ZC3H12C: variants seen among roughly 807,000 people sequenced by gnomAD.
The protein encoded by ZC3H12C is probable ribonuclease ZC3H12C.
ZC3H12C carries 20 observed loss-of-function variants against 76.3 expected under a neutral mutation model. That is an observed-to-expected ratio of 0.26 (90% CI 0.18 to 0.38). ZC3H12C has a LOEUF of 0.38. Among genes scored for constraint, ZC3H12C ranks in the 10% least tolerant of loss-of-function variants. The pLI, the probability that ZC3H12C is intolerant of heterozygous loss-of-function variation, is 1.00. For synonymous variants in ZC3H12C, 352 were observed against 399.6 expected (o/e 0.88, Z 1.42); for missense variants, 874 against 1,086.5 (o/e 0.80, Z 2.75).
At chr11:110,146,683 T>C (rs1862176891) in intron 2 of ZC3H12C, among the ~76,000 whole-genome samples, 1 of 152,248 alleles carries the variant, frequency 6.6e-6, no homozygotes, top group Non-Finnish European at 1.5e-5. Flanking sequence ...TTTGCTCCCC[T>C]TGTGAACAAT....
At chr11:110,102,932 CA>C (rs1861245410) in intron 1 of ZC3H12C, among the ~76,000 whole-genome samples, 1 of 152,152 alleles carries the variant, frequency 6.6e-6, no homozygotes, top group African/African-American at 2.4e-5. Flanking sequence ...AAGGCATGTA[CA>C]TTTTTTTAGA....
chr11:110,097,606 C>G (rs1360744016), intron 1 of ZC3H12C, among the ~76,000 whole-genome samples: 1 of 152,122 alleles, frequency 6.6e-6, no homozygotes, highest in African/African-American at 2.4e-5. Flanking sequence ...ATTTCAGTAC[C>G]TCTTTTTTCA....
intron 1 of ZC3H12C, among the ~76,000 whole-genome samples, chr11:110,097,786 C>T (rs1861139610): frequency 6.6e-6 from 1 of 152,130 alleles, no homozygotes; most frequent in Non-Finnish European, 1.5e-5. Context: ...GCATATATGA[C>T]AGTGGTGCAT....
chr11:110,139,092 G>A (rs893026641), intron 2 of ZC3H12C, among the ~76,000 whole-genome samples: 3 of 152,128 alleles, frequency 2.0e-5, no homozygotes, highest in African/African-American at 4.8e-5. Flanking sequence ...CTGAAATTAG[G>A]GAACTACTGT....
chr11:110,121,627 C>A (rs1318656369), intron 1 of ZC3H12C, among the ~76,000 whole-genome samples: 1 of 151,874 alleles, frequency 6.6e-6, no homozygotes, highest in Non-Finnish European at 1.5e-5. Flanking sequence ...TTTTGCACAG[C>A]AGCACACTTG....
At chr11:110,141,689 C>G (rs1002938465) in intron 2 of ZC3H12C, among the ~76,000 whole-genome samples, 1 of 152,116 alleles carries the variant, frequency 6.6e-6, no homozygotes, top group Non-Finnish European at 1.5e-5. Flanking sequence ...ATCAAAATTA[C>G]GTGCAGTAGA....
intron 1 of ZC3H12C, among the ~76,000 whole-genome samples, chr11:110,135,501 A>AC (rs1390891468): frequency 1.3e-5 from 2 of 151,372 alleles, no homozygotes; most frequent in Non-Finnish European, 2.9e-5. Context: ...AAAAAAAAAA[A>AC]AAAAAAAAAA....
intron 1 of ZC3H12C, among the ~76,000 whole-genome samples, chr11:110,118,598 A>G: frequency 6.6e-6 from 1 of 152,308 alleles, no homozygotes; most frequent in African/African-American, 2.4e-5. Flanking sequence ...GGAGTTTGAG[A>G]CCAGCCTGGC....
intron 1 of ZC3H12C, among the ~76,000 whole-genome samples, chr11:110,101,697 G>A (rs1029772008): frequency 1.3e-5 from 2 of 151,902 alleles, no homozygotes; most frequent in Non-Finnish European, 2.9e-5. Context: ...ACAGGCCCGC[G>A]CCACCACGTC....
chr11:110,128,840 A>C (rs1050057201), intron 1 of ZC3H12C, among the ~76,000 whole-genome samples: 1 of 147,850 alleles, frequency 6.8e-6, no homozygotes, highest in Non-Finnish European at 1.5e-5. Flanking sequence ...TTCAGGGCTG[A>C]TATCTTTTTT....
chr11:110,169,587 A>T lies in ZC3H12C; in HGVS notation c.*3850A>T, dbSNP rs1246442992. On this transcript the variant is annotated 3_prime_UTR_variant, in exon 6 of 6. Transcript: ENST00000278590. ...AGAATTCCCACGTGACCTGAAATCA[A>T]ACAGATTCTGGCTGGACATATGCTT... is the stretch of plus-strand genomic sequence containing the variant. The T allele has an allele frequency of 6.6e-6, 1 of 152,192 alleles. No homozygotes were observed. The highest frequency in any genetic ancestry group is 1.5e-5 in the Non-Finnish European group (1 of 68,024). The allele number at this position is 152,192 out of a possible 1,614,324, so 9.4% of individuals were successfully genotyped here.
At chr11:110,108,829 G>A (rs1384542037) in intron 1 of ZC3H12C, among the ~76,000 whole-genome samples, 2 of 152,160 alleles carry the variant, frequency 1.3e-5, no homozygotes, top group South Asian at 4.1e-4. Flanking sequence ...AAGTCTAAAT[G>A]TTACTACCTT....
chr11:110,134,286 T>C (rs1861915591), intron 1 of ZC3H12C, among the ~76,000 whole-genome samples: 1 of 152,154 alleles, frequency 6.6e-6, no homozygotes, highest in African/African-American at 2.4e-5. Context: ...AGTCCCAGTC[T>C]CTTTTATAGG....
chr11:110,106,516 T>C (rs1861331658), intron 1 of ZC3H12C, among the ~76,000 whole-genome samples: 1 of 152,234 alleles, frequency 6.6e-6, no homozygotes, highest in African/African-American at 2.4e-5. Context: ...AGGTTTCTTA[T>C]AAAATGTCCC....
At chr11:110,146,240 A>G (rs974589969) in intron 2 of ZC3H12C, among the ~76,000 whole-genome samples, 10 of 152,144 alleles carry the variant, frequency 6.6e-5, no homozygotes, top group Non-Finnish European at 1.3e-4. Context: ...CGCCCGCCTC[A>G]GCCTCCCAAG....
intron 2 of ZC3H12C, among the ~76,000 whole-genome samples, chr11:110,144,260 A>C (rs1387802467): frequency 6.6e-6 from 1 of 152,204 alleles, no homozygotes; most frequent in Non-Finnish European, 1.5e-5. Context: ...CATTTTCTAA[A>C]TATTAAGACT....
chr11:110,152,916 C>T lies in ZC3H12C; in HGVS notation c.774-3C>T, dbSNP rs765789553. On this transcript the variant is annotated splice_region_variant and splice_polypyrimidine_tract_variant and intron_variant, in intron 2 of 5. Coordinates refer to ENST00000278590, the MANE Select transcript of ZC3H12C (RefSeq NM_033390.2). The stretch of plus-strand genomic sequence containing the variant: ...TTTTAAGTGTTCCGTAATAATCTTT[C>T]AGCCATGGAAACAAAGAAGTATTTT... The T allele has an allele frequency of 6.2e-7, 1 of 1,610,992 alleles. No individual in the cohort carries two copies. The highest frequency in any genetic ancestry group is 8.5e-7 in the Non-Finnish European group (1 of 1,178,506).
chr11:110,125,961 C>A (rs890748327), intron 1 of ZC3H12C, among the ~76,000 whole-genome samples: 1 of 152,138 alleles, frequency 6.6e-6, no homozygotes, highest in Non-Finnish European at 1.5e-5. Flanking sequence ...CATCTCTGAC[C>A]TGAAGGCTTG....
intron 1 of ZC3H12C, among the ~76,000 whole-genome samples, chr11:110,104,527 A>T (rs945244164): frequency 3.3e-5 from 5 of 152,190 alleles, no homozygotes; most frequent in African/African-American, 7.2e-5. Flanking sequence ...ATATTAAATT[A>T]AAAAATGTTC....
Sources: gnomAD v4.1 joint callset for allele counts (sites outside exome capture counted in the v4.1 genomes callset) on GRCh38, gnomAD v4.1.1 for gene constraint, MANE v1.5 for transcripts, NCBI Gene and HGNC (gene_info 2026-07-23, HGNC 2026-07-21) for gene names.